Variants in SVBP observed in about 807,000 individuals in gnomAD.
SVBP encodes small vasohibin-binding protein.
A neutral mutation model predicts 9.2 loss-of-function variants in SVBP; 9 were observed. The ratio of observed to expected loss-of-function variants is 0.98; its 90% confidence interval spans 0.59 to 1.71. The LOEUF (loss-of-function observed/expected upper bound fraction) is 1.71. Among genes scored for constraint, SVBP ranks in the 40% most tolerant of loss-of-function variants. The pLI is 0.00. For missense variants in SVBP, 63 were observed against 73.2 expected, an observed-to-expected ratio of 0.86 and a Z score of 0.51; for synonymous variants, 27 against 23.9, an observed-to-expected ratio of 1.13 and a Z score of -0.37.
intron 2 of SVBP, among the ~76,000 whole-genome samples, chr1:42,809,716 T>C (rs1654037840): frequency 6.6e-6 from 1 of 152,124 alleles, no homozygotes. Flanking sequence ...CTACCGCAAA[T>C]GATTCTTGAA....
At chr1:42,812,643 T>G (rs1163210020) in intron 2 of SVBP, among the ~76,000 whole-genome samples, 1 of 149,458 alleles carries the variant, frequency 6.7e-6, no homozygotes, top group East Asian at 1.9e-4. Flanking sequence ...TTTATTTGAT[T>G]AGTTTATCTG....
At chr1:42,808,145 G>GTA (rs1386047684) in intron 2 of SVBP, among the ~76,000 whole-genome samples, 4 of 50,798 alleles carry the variant, frequency 7.9e-5, no homozygotes, top group African/African-American at 1.8e-4. Flanking sequence ...GTGTGTGTGT[G>GTA]TGTGTATATA....
chr1:42,817,332 G>T lies in SVBP; in HGVS notation c.-179C>A, dbSNP rs941661741. On this transcript the variant is annotated 5_prime_UTR_variant, in exon 1 of 3. Coordinates refer to ENST00000372521, the MANE Select transcript of SVBP (RefSeq NM_199342.4). The stretch of plus-strand genomic sequence containing the variant: ...CTCGTCCTGGGCGGGGCCGCGCGCC[G>T]GGGGGAGGGGCGCAGGGCCGAGCGC... The T allele has an allele frequency of 9.9e-7, 1 of 1,014,490 alleles. No individual in the cohort carries two copies. Among genetic ancestry groups the T allele is most frequent in the South Asian group, 1.6e-5 (1 of 61,402 alleles). The allele number at this position is 1,014,490 out of a possible 1,614,324, so 62.8% of individuals were successfully genotyped here. A position where few individuals can be genotyped will look rare whatever the true frequency, so the allele number is the denominator to read the frequency against.
Position 42,816,595 on chromosome 1 carries a change from AAG to A in SVBP, c.-36-17_-36-16del, listed in dbSNP as rs1310366419. On this transcript the variant is annotated splice_polypyrimidine_tract_variant and intron_variant, in intron 1 of 2. Transcript: ENST00000372521. Reference sequence around the variant, plus strand: ...GAGGCTCTGATCTGGGTGGTACAGAAAGAGGCAGATCTTCAAAACAAAACAAA... The same window carrying A: ...GAGGCTCTGATCTGGGTGGTACAGAAAGGCAGATCTTCAAAACAAAACAAA... The A allele has an allele frequency of 7.8e-7, 1 of 1,280,982 alleles. No individual in the cohort carries two copies. Among genetic ancestry groups the A allele is most frequent in the Admixed American group, 1.8e-5 (1 of 56,292 alleles). The allele number at this position is 1,280,982 out of a possible 1,614,324, so 79.4% of individuals were successfully genotyped here.
chr1:42,816,381 C>T (rs1193232558), intron 2 of SVBP, 50 bp downstream of exon 2: 3 of 1,280,368 alleles, frequency 2.3e-6, no homozygotes, highest in Non-Finnish European at 3.4e-6. Flanking sequence ...TCTATTCCAG[C>T]ATCATCTCCA....
chr1:42,811,627 C>G (rs755618270), intron 2 of SVBP, among the ~76,000 whole-genome samples: 30 of 152,300 alleles, frequency 2.0e-4, no homozygotes, highest in Non-Finnish European at 3.4e-4. Context: ...CTTCCTCTGC[C>G]AAGTACTGCG....
intron 2 of SVBP, chr1:42,813,692 A>T (rs1401844202): frequency 5.6e-6 from 3 of 533,252 alleles, no homozygotes; most frequent in African/African-American, 1.9e-5. Flanking sequence ...AAGTATAGAT[A>T]GCTCTGTTCC....
At position 42,816,384 on chromosome 1, in the gene SVBP, C is replaced by G. The variant is rs770906506; in HGVS notation, c.114+47G>C. 6.9e-6 allele frequency: 9 copies of G among 1,303,406 alleles called. No homozygotes were observed. The South Asian group carries it at 1.1e-4, about 16-fold the overall frequency. 80.7% of individuals were successfully genotyped at this position (1,303,406 alleles called of 1,614,324 possible). On this transcript the variant is annotated intron_variant, in intron 2 of 2. Coordinates refer to ENST00000372521, the MANE Select transcript of SVBP (RefSeq NM_199342.4). ...TTCTGCTGTTTCTCTATTCCAGCATCATCTCCAGCAGACTACAGGCATACA... is the reference window on the plus strand; with the variant it reads ...TTCTGCTGTTTCTCTATTCCAGCATGATCTCCAGCAGACTACAGGCATACA...
chr1:42,807,155 T>G lies in SVBP; in HGVS notation c.*259A>C, dbSNP rs74070035. On this transcript the variant is annotated 3_prime_UTR_variant, in exon 3 of 3. Coordinates refer to ENST00000372521, the MANE Select transcript of SVBP (RefSeq NM_199342.4). ...TAGAAAAAGTGTTTTTTGTGTGTGT[T>G]TTTTTTTTTTTTTTAAAAAAACCCA... is the stretch of plus-strand genomic sequence containing the variant. 2.6e-3 allele frequency: 594 copies of G among 224,548 alleles called. 1 individual carries two copies. The highest frequency in any genetic ancestry group is 3.9e-3 in the Middle Eastern group (3 of 764). 13.9% of individuals were successfully genotyped at this position (224,548 alleles called of 1,614,324 possible). A position where few individuals can be genotyped will look rare whatever the true frequency, so the allele number is the denominator to read the frequency against.
chr1:42,815,326 C>A (rs554251441), intron 2 of SVBP, among the ~76,000 whole-genome samples: 1 of 151,386 alleles, frequency 6.6e-6, no homozygotes, highest in Non-Finnish European at 1.5e-5. Flanking sequence ...ATGTAACAAA[C>A]CTGCATGTTG....
In SVBP at chr1:42,807,171, A is replaced by ATTTTTT. The variant is rs753684731; in HGVS notation, c.*242_*243insAAAAAA. The ATTTTTT allele has an allele frequency of 4.4e-6, 1 of 226,132 alleles. No homozygotes were observed. The allele number at this position is 226,132 out of a possible 1,614,324, so 14.0% of individuals were successfully genotyped here. A position where few individuals can be genotyped will look rare whatever the true frequency, so the allele number is the denominator to read the frequency against. The stretch of plus-strand genomic sequence containing the variant: ...TGTGTGTGTTTTTTTTTTTTTTTTA[A>ATTTTTT]AAAAACCCAAAAAACAAAACCACTG... On this transcript the variant is annotated 3_prime_UTR_variant, in exon 3 of 3. Coordinates refer to ENST00000372521, the MANE Select transcript of SVBP (RefSeq NM_199342.4).
At chr1:42,809,658 C>A (rs963816317) in intron 2 of SVBP, among the ~76,000 whole-genome samples, 3 of 152,142 alleles carry the variant, frequency 2.0e-5, no homozygotes, top group Non-Finnish European at 2.9e-5. Flanking sequence ...TTCCTGTCAT[C>A]TTTAAGAAAA....
chr1:42,812,449 A>G (rs1027645722), intron 2 of SVBP, among the ~76,000 whole-genome samples: 4 of 152,212 alleles, frequency 2.6e-5, no homozygotes, highest in African/African-American at 9.6e-5. Flanking sequence ...GAAATATTAA[A>G]TCTTTATTTC....
At chr1:42,816,279 A>T (rs971484396) in intron 2 of SVBP, 152 bp downstream of exon 2, 4 of 576,216 alleles carry the variant, frequency 6.9e-6, no homozygotes, top group Non-Finnish European at 9.1e-6. Context: ...CACCATTCTG[A>T]ACCTCAGTGT....
rs1175614980 is a variant in SVBP at position 42,817,372 on chromosome 1, C to T, written c.-219G>A. On this transcript the variant is annotated 5_prime_UTR_variant, in exon 1 of 3. Coordinates refer to ENST00000372521, the MANE Select transcript of SVBP (RefSeq NM_199342.4). ...GGGCCGAGCGCCAGGAGGCTTCCGC[C>T]CGCAGGAGCGGCCGCGCGTGCGCAG... is the stretch of plus-strand genomic sequence containing the variant. The T allele has an allele frequency of 3.3e-6, 2 of 603,018 alleles. No homozygotes were observed. The highest frequency in any genetic ancestry group is 4.3e-6 in the Non-Finnish European group (2 of 459,836). 37.4% of individuals were successfully genotyped at this position (603,018 alleles called of 1,614,324 possible).
intron 2 of SVBP, among the ~76,000 whole-genome samples, chr1:42,812,643 T>C (rs1163210020): frequency 6.7e-6 from 1 of 149,458 alleles, no homozygotes; most frequent in African/African-American, 2.4e-5. Flanking sequence ...TTTATTTGAT[T>C]AGTTTATCTG....
intron 1 of SVBP, chr1:42,816,825 G>A (rs375474362): frequency 2.8e-6 from 1 of 356,288 alleles, no homozygotes; most frequent in East Asian, 6.8e-5. Flanking sequence ...AATGGGTTAA[G>A]TGTTTTCCTG....
intron 2 of SVBP, among the ~76,000 whole-genome samples, chr1:42,808,151 A>G (rs61775644): frequency 0.04 from 2,330 of 58,344 alleles, 23 homozygotes; most frequent in Middle Eastern, 0.073. Context: ...GTGTGTGTGT[A>G]TATATATATA....
intron 2 of SVBP, among the ~76,000 whole-genome samples, chr1:42,814,722 G>A (rs966963451): frequency 3.3e-5 from 5 of 152,158 alleles, no homozygotes; most frequent in African/African-American, 1.2e-4. Flanking sequence ...GAAACAACAG[G>A]TGCTGGAGAG....
Sources: gnomAD v4.1 joint callset for allele counts (sites outside exome capture counted in the v4.1 genomes callset) on GRCh38, gnomAD v4.1.1 for gene constraint, MANE v1.5 for transcripts, NCBI Gene and HGNC (gene_info 2026-07-23, HGNC 2026-07-21) for gene names.